The following DUOX1 variants were observed in gnomAD, a reference collection of about 807,000 sequenced individuals.
The protein encoded by DUOX1 is dual oxidase 1.
Under a neutral mutation model 181.8 loss-of-function variants are expected in DUOX1, and 134 were observed. That is an observed-to-expected ratio of 0.74 (90% CI 0.64 to 0.85). DUOX1 has a LOEUF of 0.85. Among genes scored for constraint, DUOX1 ranks in the 40% least tolerant of loss-of-function variants. DUOX1 has a pLI of 0.00. For synonymous variants in DUOX1, 798 were observed against 832.5 expected (o/e 0.96, Z 0.71); for missense variants, 1,814 against 2,064.4 (o/e 0.88, Z 2.35).
At chr15:45,139,038 C>T in intron 10 of DUOX1, 28 bp from the exon 11 acceptor site, 1 of 1,603,990 alleles carries the variant, frequency 6.2e-7, no homozygotes, top group Non-Finnish European at 8.5e-7. Context: ...AACCACACCC[C>T]TTTCCTCCCC....
intron 23 of DUOX1, 146 bp downstream of exon 23, chr15:45,151,394 AAGAG>A (rs2141286535): frequency 1.8e-6 from 2 of 1,082,042 alleles, no homozygotes; most frequent in East Asian, 5.1e-5. Flanking sequence ...ACAATCTAAG[AAGAG>A]AATCTGGTAC....
intron 15 of DUOX1, among the ~76,000 whole-genome samples, chr15:45,142,325 A>AGGAAAACAGCAGCCCTGGGCTG (rs1896520599): frequency 1.3e-5 from 2 of 152,166 alleles, no homozygotes; most frequent in Non-Finnish European, 2.9e-5. Context: ...TTTTCCTGGG[A>AGGAAAACAGCAGCCCTGGGCTG]CTGCCCCCAG....
At chr15:45,135,037 G>C in intron 4 of DUOX1, 67 bp from the exon 5 acceptor site, 1 of 1,574,780 alleles carries the variant, frequency 6.4e-7, no homozygotes, top group Non-Finnish European at 8.6e-7. Flanking sequence ...AAGGAAACTG[G>C]ATACCTAGGG....
chr15:45,151,037 A>C, intron 22 of DUOX1, 86 bp from the exon 23 acceptor site: 1 of 1,564,856 alleles, frequency 6.4e-7, no homozygotes, highest in Middle Eastern at 1.7e-4. Flanking sequence ...CTTCCTCAGC[A>C]GAATGGGTTT....
intron 28 of DUOX1, among the ~76,000 whole-genome samples, chr15:45,160,507 G>A (rs758187394): frequency 5.6e-5 from 8 of 143,288 alleles, no homozygotes; most frequent in Non-Finnish European, 1.1e-4. Context: ...AGTCACACTG[G>A]CTGCCTTGAA....
At chr15:45,156,327 G>C (rs72724258) in intron 28 of DUOX1, among the ~76,000 whole-genome samples, 4,110 of 152,290 alleles carry the variant, frequency 0.027, 80 homozygotes, top group South Asian at 0.059. Flanking sequence ...TGCCACTTTT[G>C]TTCTGATCCT....
At chr15:45,144,827 T>G (rs1366667921) in intron 17 of DUOX1, 68 bp from the exon 18 acceptor site, 3 of 1,503,598 alleles carry the variant, frequency 2.0e-6, no homozygotes, top group Middle Eastern at 5.0e-4. Context: ...TCTGACATAA[T>G]CCACATAAAC....
Position 45,165,129 on chromosome 15 carries a change from G to A in DUOX1, c.*228G>A. 2 of 574,510 alleles carry A rather than the reference G, an allele frequency of 3.5e-6. No homozygotes were observed. Among genetic ancestry groups the A allele is most frequent in the Admixed American group, 3.1e-5 (1 of 31,906 alleles). 35.6% of individuals were successfully genotyped at this position (574,510 alleles called of 1,614,324 possible). On this transcript the variant is annotated 3_prime_UTR_variant, in exon 34 of 34. Coordinates refer to ENST00000389037, the MANE Select transcript of DUOX1 (RefSeq NM_175940.3). ...GGGGGGGCAGTGTCTAGGGACTAGA[G>A]TGAGAAGTAGGGGAGCTACTGATTT...
rs1595586395 is a variant in DUOX1, at chr15:45,148,060, G to C, written c.2642+63G>C. ...CAGGGATGCCAGGGCAAATAGATGG[G>C]ACCTGAAGGAGAGAGCAGAAGGGCC... On this transcript the variant is annotated intron_variant, in intron 20 of 33. Coordinates refer to ENST00000389037, the MANE Select transcript of DUOX1 (RefSeq NM_175940.3). 8 of 1,488,886 alleles carry C rather than the reference G, an allele frequency of 5.4e-6. No individual in the cohort carries two copies. The East Asian group carries it at 1.8e-4, about 34-fold the overall frequency. The allele number at this position is 1,488,886 out of a possible 1,614,324, so 92.2% of individuals were successfully genotyped here.
intron 12 of DUOX1, 109 bp downstream of exon 12, chr15:45,139,708 G>C (rs1252266520): frequency 1.8e-5 from 21 of 1,187,578 alleles, no homozygotes; most frequent in Non-Finnish European, 2.3e-6. Flanking sequence ...AGCACCTAAT[G>C]GGAGGGGCAG....
intron 2 of DUOX1, among the ~76,000 whole-genome samples, chr15:45,132,473 G>C (rs533266627): frequency 3.9e-5 from 6 of 152,186 alleles, no homozygotes; most frequent in Admixed American, 1.3e-4. Flanking sequence ...TCTTCCATAA[G>C]AGTTTCATGT....
At chr15:45,135,037 G>T in intron 4 of DUOX1, 67 bp from the exon 5 acceptor site, 15 of 1,574,780 alleles carry the variant, frequency 9.5e-6, no homozygotes, top group Non-Finnish European at 1.3e-5. Flanking sequence ...AAGGAAACTG[G>T]ATACCTAGGG....
intron 28 of DUOX1, 60 bp downstream of exon 28, chr15:45,155,989 G>A: frequency 1.3e-6 from 2 of 1,599,836 alleles, no homozygotes; most frequent in South Asian, 2.2e-5. Flanking sequence ...TTCCAGGGAG[G>A]CAAGGAGAGC....
At position 45,139,511 on chromosome 15, in the gene DUOX1, C is replaced by G; in HGVS notation, c.1301C>G (p.Ser434Cys). The G allele has an allele frequency of 6.2e-7, 1 of 1,613,828 alleles. No individual in the cohort carries two copies. Among genetic ancestry groups the G allele is most frequent in the Non-Finnish European group, 8.5e-7 (1 of 1,179,936 alleles). The change falls in exon 12 of 34, where the codon TCT becomes TGT. Residue 434 changes from serine (S) to cysteine (C), a missense_variant. Physicochemically the swap from Ser to Cys is moderately radical, Grantham distance 112. Transcript: ENST00000389037. ...LQRGRDLGLP[S>C]YTKARAALGL... ...CGGGGCCGGGATCTGGGCCTGCCCT[C>G]TTACACCAAGGCCAGGGCAGCACTG... is the stretch of plus-strand genomic sequence containing the variant.
At chr15:45,155,710 G>T in intron 27 of DUOX1, 92 bp from the exon 28 acceptor site, 16 of 1,571,586 alleles carry the variant, frequency 1.0e-5, no homozygotes, top group Non-Finnish European at 1.3e-5. Flanking sequence ...TCCAACTTGG[G>T]CAGTGGAGTG....
In DUOX1 at chr15:45,160,727, T is replaced by C. The variant is rs962909376; in HGVS notation, c.3703-110T>C. ...AGAAGGAGCATGGTACGTGGTGAGG[T>C]GGGGGCTGGATATACCAGCGGGGAA... On this transcript the variant is annotated intron_variant, in intron 28 of 33. Coordinates refer to ENST00000389037, the MANE Select transcript of DUOX1 (RefSeq NM_175940.3). The C allele has an allele frequency of 1.5e-5, 19 of 1,260,504 alleles. No homozygotes were observed. The African/African-American group carries it at 3.6e-4, about 24-fold the overall frequency. 78.1% of individuals were successfully genotyped at this position (1,260,504 alleles called of 1,614,324 possible).
chr15:45,155,257 C>T (rs1229765584), intron 27 of DUOX1, among the ~76,000 whole-genome samples: 1 of 152,168 alleles, frequency 6.6e-6, no homozygotes, highest in Non-Finnish European at 1.5e-5. Flanking sequence ...CAGACAAAAA[C>T]CAAATAATGA....
chr15:45,164,969 T>G lies in DUOX1; in HGVS notation c.*68T>G. ...GTTTGAGCCCACACCTCACCTCTGT[T>G]CTTCCTATTTCTGGCTGCCTCAGCC... On this transcript the variant is annotated 3_prime_UTR_variant, in exon 34 of 34. Coordinates refer to ENST00000389037, the MANE Select transcript of DUOX1 (RefSeq NM_175940.3). 6.5e-7 allele frequency: 1 copy of G among 1,546,088 alleles called. No individual in the cohort carries two copies. Among genetic ancestry groups the G allele is most frequent in the Non-Finnish European group, 8.9e-7 (1 of 1,125,850 alleles).
rs1362384443 is a variant in DUOX1, at chr15:45,139,574, C to T, written c.1364C>T (p.Pro455Leu). 6.2e-7 allele frequency: 1 copy of T among 1,602,088 alleles called. No individual in the cohort carries two copies. Among genetic ancestry groups the T allele is most frequent in the Non-Finnish European group, 8.5e-7 (1 of 1,175,232 alleles). ...ATTACCCGCTGGCAGGACATCAACC[C>T]TGCACTCTCCCGGAGCAATGACACT... ...SPITRWQDIN[P>L]ALSRSNDTVL... Residue 455 changes from proline (P) to leucine (L), a missense_variant, in exon 12 of 34, where the codon CCT becomes CTT. Physicochemically the swap from Pro to Leu is moderately conservative, Grantham distance 98 (BLOSUM62 -3). Around this residue, in one of 5 missense-constraint regions of DUOX1, gnomAD observed 1,064 missense variants for 1,152.9 expected, o/e 0.92. Transcript: ENST00000389037.
Sources: gnomAD v4.1 joint callset for allele counts (sites outside exome capture counted in the v4.1 genomes callset) on GRCh38, gnomAD v4.1.1 for gene constraint, gnomAD v4.1.1 regional missense constraint, MANE v1.5 for transcripts, NCBI Gene and HGNC (gene_info 2026-07-23, HGNC 2026-07-21) for gene names.